LARGE1: variants seen among roughly 807,000 people sequenced by gnomAD.
The protein encoded by LARGE1 is LARGE xylosyl- and glucuronyltransferase 1.
A neutral mutation model predicts 87.6 loss-of-function variants in LARGE1; 43 were observed. That is an observed-to-expected ratio of 0.49 (90% confidence interval 0.38 to 0.63). The LOEUF is 0.63. Ranked by LOEUF, LARGE1 falls within the 30% of genes least tolerant of loss-of-function variation. The pLI, the probability that LARGE1 is intolerant of heterozygous loss-of-function variation, is 0.00. For missense variants in LARGE1, 802 were observed against 1,000.2 expected (o/e 0.80, Z 2.67); for synonymous variants, 434 against 394.6 (o/e 1.10, Z -1.18).
intron 9 of LARGE1, among the ~76,000 whole-genome samples, chr22:33,371,304 A>G (rs559520541): frequency 5.3e-5 from 8 of 152,204 alleles, no homozygotes; most frequent in Non-Finnish European, 1.0e-4. Flanking sequence ...TGGTTTTTAA[A>G]TCATTGGTAA....
chr22:33,814,306 T>C (rs2086586148), intron 1 of LARGE1, among the ~76,000 whole-genome samples: 1 of 152,172 alleles, frequency 6.6e-6, no homozygotes, highest in Admixed American at 6.5e-5. Context: ...ATGATGCTTT[T>C]CCAACAGTCC....
chr22:33,695,607 T>C (rs1233334324), intron 2 of LARGE1, among the ~76,000 whole-genome samples: 2 of 152,308 alleles, frequency 1.3e-5, no homozygotes, highest in Middle Eastern at 3.4e-3. Flanking sequence ...CTTCTATCCA[T>C]CTATCAACAC....
intron 6 of LARGE1, among the ~76,000 whole-genome samples, chr22:33,439,409 T>C (rs993280748): frequency 3.3e-5 from 5 of 152,086 alleles, no homozygotes; most frequent in Admixed American, 6.6e-5. Flanking sequence ...CCATCCCTGC[T>C]GTCTCTCACC....
intron 6 of LARGE1, among the ~76,000 whole-genome samples, chr22:33,492,236 A>G (rs759379206): frequency 6.6e-6 from 1 of 152,204 alleles, no homozygotes; most frequent in African/African-American, 2.4e-5. Context: ...TTAAGCCCCT[A>G]TAGCTGAGAG....
intron 9 of LARGE1, among the ~76,000 whole-genome samples, chr22:33,350,465 G>A (rs1159576944): frequency 6.6e-6 from 1 of 152,122 alleles, no homozygotes; most frequent in Non-Finnish European, 1.5e-5. Flanking sequence ...CCTCCTCGGG[G>A]GTGTGACTGG....
intron 1 of LARGE1, among the ~76,000 whole-genome samples, chr22:33,830,488 G>C (rs1482548752): frequency 1.3e-5 from 2 of 152,206 alleles, no homozygotes; most frequent in Non-Finnish European, 2.9e-5. Context: ...TTGAACTCCA[G>C]CTCTGCTACT....
chr22:33,318,405 C>T (rs1353025359), intron 10 of LARGE1, among the ~76,000 whole-genome samples: 1 of 152,156 alleles, frequency 6.6e-6, no homozygotes, highest in Admixed American at 6.5e-5. Context: ...ATGATGGTTT[C>T]CAGCTTCACC....
chr22:33,330,938 C>T (rs1937621734), intron 10 of LARGE1, among the ~76,000 whole-genome samples: 1 of 152,216 alleles, frequency 6.6e-6, no homozygotes, highest in South Asian at 2.1e-4. Flanking sequence ...GATTGTTTGA[C>T]TTAGAGCAAA....
At chr22:33,183,636 A>ACACGCACGCACG (rs1555880697) in intron 11 of LARGE1, among the ~76,000 whole-genome samples, 1 of 150,146 alleles carries the variant, frequency 6.7e-6, no homozygotes, top group Non-Finnish European at 1.5e-5. Context: ...ACACACACAC[A>ACACGCACGCACG]CACACACACA....
chr22:33,506,009 A>C (rs1413600419), intron 6 of LARGE1, among the ~76,000 whole-genome samples: 1 of 152,056 alleles, frequency 6.6e-6, no homozygotes, highest in African/African-American at 2.4e-5. Flanking sequence ...TGCAAATCAA[A>C]GTGGCAGCAT....
At chr22:33,612,292 T>C (rs1387788119) in intron 4 of LARGE1, among the ~76,000 whole-genome samples, 1 of 152,104 alleles carries the variant, frequency 6.6e-6, no homozygotes, top group Non-Finnish European at 1.5e-5. Context: ...TTAGTAGAGA[T>C]GGGGTTTCAC....
At chr22:33,666,335 A>G (rs561273212) in intron 2 of LARGE1, among the ~76,000 whole-genome samples, 8 of 152,340 alleles carry the variant, frequency 5.3e-5, no homozygotes, top group African/African-American at 1.9e-4. Context: ...AAGAAAGGAA[A>G]GAAGAATCAG....
chr22:33,532,529 C>G (rs1327106416), intron 6 of LARGE1, among the ~76,000 whole-genome samples: 1 of 152,220 alleles, frequency 6.6e-6, no homozygotes, highest in Non-Finnish European at 1.5e-5. Context: ...CACCAACACT[C>G]TAAGGCAGAG....
At chr22:33,111,579 G>A in the LARGE1 span, among the ~76,000 whole-genome samples, 1 of 151,864 alleles carries the variant, frequency 6.6e-6, no homozygotes, top group African/African-American at 2.4e-5. Flanking sequence ...AATTCCCCCC[G>A]TCCAGACTCA....
At chr22:33,468,848 T>A (rs936768040) in intron 6 of LARGE1, among the ~76,000 whole-genome samples, 38 of 152,168 alleles carry the variant, frequency 2.5e-4, no homozygotes, top group Non-Finnish European at 4.6e-4. Context: ...CTCCCCCCTA[T>A]ATTCCACAGC....
chr22:33,098,808 C>G, the LARGE1 span, among the ~76,000 whole-genome samples: 1 of 152,118 alleles, frequency 6.6e-6, no homozygotes, highest in East Asian at 1.9e-4. Flanking sequence ...CGCACCTTCT[C>G]CAGGGAAGTT....
intron 6 of LARGE1, among the ~76,000 whole-genome samples, chr22:33,516,584 CTAT>C (rs141343639): frequency 0.016 from 2,497 of 151,418 alleles, 55 homozygotes; most frequent in African/African-American, 0.048. Flanking sequence ...CAACTTCCTC[CTAT>C]TATTATTATT....
intron 5 of LARGE1, among the ~76,000 whole-genome samples, chr22:33,587,172 T>C (rs1002680298): frequency 2.0e-5 from 3 of 152,372 alleles, no homozygotes; most frequent in East Asian, 1.9e-4. Flanking sequence ...CGATGTACCA[T>C]ACTTTACCTA....
At position 33,659,084 on chromosome 22, in the gene LARGE1, G is replaced by C. The variant is rs75149980; in HGVS notation, c.107-8416C>G. Among the ~76,000 whole-genome samples, 1,454 of 152,224 alleles carry C rather than the reference G, an allele frequency of 9.6e-3. 24 individuals are homozygous for C. Among genetic ancestry groups the C allele is most frequent in the African/African-American group, 0.033 (1,384 of 41,508 alleles). ...GCTCCTCGGCATCGCCCTGCTTCCT[G>C]GAAGACAGTCTCCTTCAAAAGCAGT... On this transcript the variant is annotated intron_variant, in intron 2 of 14. Transcript: ENST00000397394.
Sources: allele counts gnomAD v4.1 joint callset (sites outside exome capture counted in the v4.1 genomes callset), GRCh38; gene constraint gnomAD v4.1.1; transcripts MANE v1.5; gene names NCBI Gene and HGNC (gene_info 2026-07-23, HGNC 2026-07-21).